Variants in FN1 observed in about 807,000 individuals in gnomAD.
FN1 encodes fibronectin.
In FN1, 106 loss-of-function variants were observed where a neutral mutation model predicts 297.3. The ratio of observed to expected loss-of-function variants is 0.36; its 90% CI spans 0.30 to 0.42. The LOEUF (loss-of-function observed/expected upper bound fraction) is 0.42. Ranked by LOEUF, FN1 falls within the 10% of genes least tolerant of loss-of-function variation. The pLI, the probability that FN1 is intolerant of heterozygous loss-of-function variation, is 1.00. For missense variants in FN1, 2,690 were observed against 3,124.9 expected, an observed-to-expected ratio of 0.86 and a Z score of 3.32; for synonymous variants, 1,149 against 1,152.6, an observed-to-expected ratio of 1.00 and a Z score of 0.06.
intron 5 of FN1, among the ~76,000 whole-genome samples, chr2:215,429,008 G>A (rs2065991193): frequency 6.6e-6 from 1 of 151,816 alleles, no homozygotes; most frequent in African/African-American, 2.4e-5. Flanking sequence ...GGGTGAGACT[G>A]TCTCAAAAAC....
At chr2:215,403,659 A>T (rs1205880865) in intron 20 of FN1, among the ~76,000 whole-genome samples, 1 of 152,220 alleles carries the variant, frequency 6.6e-6, no homozygotes, top group African/African-American at 2.4e-5. Context: ...TGTTATTGTG[A>T]TGTAGATATG....
At chr2:215,435,258 C>A (rs2067257683) in intron 1 of FN1, among the ~76,000 whole-genome samples, 1 of 152,070 alleles carries the variant, frequency 6.6e-6, no homozygotes, top group Admixed American at 6.5e-5. Flanking sequence ...CCTTTCCACC[C>A]CCATGTTGAA....
intron 31 of FN1, among the ~76,000 whole-genome samples, chr2:215,382,640 T>G (rs2058368532): frequency 6.6e-6 from 1 of 152,188 alleles, no homozygotes; most frequent in Admixed American, 6.5e-5. Context: ...CTTAAGATCC[T>G]AATTTCACAA....
At chr2:215,416,287 A>G (rs1264391134) in intron 12 of FN1, among the ~76,000 whole-genome samples, 1 of 152,178 alleles carries the variant, frequency 6.6e-6, no homozygotes, top group Non-Finnish European at 1.5e-5. Context: ...AAGCCACATG[A>G]ACACCAAAAT....
chr2:215,413,001 C>T (rs915910023), intron 13 of FN1, among the ~76,000 whole-genome samples: 2 of 152,096 alleles, frequency 1.3e-5, no homozygotes, highest in African/African-American at 2.4e-5. Context: ...ATCATGACTG[C>T]TGGGTGGATC....
At chr2:215,381,223 A>AAC (rs2058159607) in intron 32 of FN1, 143 bp from the exon 33 acceptor site, 1 of 779,574 alleles carries the variant, frequency 1.3e-6, no homozygotes. Flanking sequence ...AAATCACTTA[A>AAC]ACACTTGCTT....
chr2:215,408,489 C>T, intron 15 of FN1, 63 bp from the exon 16 acceptor site: 1 of 1,508,654 alleles, frequency 6.6e-7, no homozygotes, highest in Non-Finnish European at 9.2e-7. Context: ...GACTCTACAG[C>T]TTATAAGAAG....
At position 215,420,768 on chromosome 2, in the gene FN1, A is replaced by T. The variant is rs369339209; in HGVS notation, c.1580T>A (p.Val527Glu). 14 of 1,613,962 alleles carry T rather than the reference A, an allele frequency of 8.7e-6. No individual in the cohort carries two copies. In the African/African-American group the frequency reaches 1.2e-4, roughly 14 times the overall value. Residue 527 changes from valine (V) to glutamate (E), a missense_variant, in exon 11 of 46, where the codon GTG becomes GAG. Val to Glu is a moderately radical substitution (Grantham distance 121). Coordinates refer to ENST00000354785, the MANE Select transcript of FN1 (RefSeq NM_212482.4). ...ATGACGCTTGTGGAATGTGTCGTTC[A>T]CATTGTAAGTGATGTCATCAACAAT... ...QCIVDDITYNVNDTFHKRHEE... is the reference protein window; with the variant it reads ...QCIVDDITYNENDTFHKRHEE...
rs2058075115 is a variant in FN1 at position 215,380,686 on chromosome 2, G to C, written c.5434+125C>G. The C allele has an allele frequency of 2.6e-6, 3 of 1,173,148 alleles. No homozygotes were observed. The Admixed American group carries it at 5.1e-5, about 20-fold the overall frequency. The allele number at this position is 1,173,148 out of a possible 1,614,324, so 72.7% of individuals were successfully genotyped here. A position where few individuals can be genotyped will look rare whatever the true frequency, so the allele number is the denominator to read the frequency against. ...TTTCTTACCATTCCTCTTTAAAGAG[G>C]ATCTTTCCTAATAATTCTTTTTCAC... On this transcript the variant is annotated intron_variant, in intron 33 of 45. Transcript: ENST00000354785.
Position 215,406,569 on chromosome 2 carries a change from G to A in FN1, c.2714-59C>T, listed in dbSNP as rs889661045. ...CTCTGCTGAAGATTACTTTTAAGAA[G>A]CCAGTTTCTTGGATATGTTAGGCAG... On this transcript the variant is annotated intron_variant, in intron 18 of 45. Transcript: ENST00000354785. 3 of 1,567,758 alleles carry A rather than the reference G, an allele frequency of 1.9e-6. No individual in the cohort carries two copies. The African/African-American group carries it at 4.0e-5, about 21-fold the overall frequency.
In FN1 at chr2:215,376,482, C is replaced by A; in HGVS notation, c.5887+16G>T. 6.2e-7 allele frequency: 1 copy of A among 1,611,784 alleles called. No individual in the cohort carries two copies. The highest frequency in any genetic ancestry group is 8.5e-7 in the Non-Finnish European group (1 of 1,177,842). On this transcript the variant is annotated intron_variant, in intron 36 of 45. Coordinates refer to ENST00000354785, the MANE Select transcript of FN1 (RefSeq NM_212482.4). Reference sequence around the variant, plus strand: ...TATTTGTTAACAAATGTGGTTAGTGCAATGAGTTCCCTGACCTGTGATGGT... The same window carrying A: ...TATTTGTTAACAAATGTGGTTAGTGAAATGAGTTCCCTGACCTGTGATGGT...
At chr2:215,368,922 CTG>C (rs2055244135) in intron 41 of FN1, among the ~76,000 whole-genome samples, 1 of 152,132 alleles carries the variant, frequency 6.6e-6, no homozygotes. Flanking sequence ...TAAAATCCCA[CTG>C]TGTATTTTTC....
At position 215,379,336 on chromosome 2, in the gene FN1, G is replaced by T; in HGVS notation, c.5435-19C>A. The T allele has an allele frequency of 6.2e-7, 1 of 1,609,960 alleles. No individual in the cohort carries two copies. On this transcript the variant is annotated intron_variant, in intron 33 of 45. Coordinates refer to ENST00000354785, the MANE Select transcript of FN1 (RefSeq NM_212482.4). ...GGAATAGCTGTCGAGATTGTCATTG[G>T]TTAGAGGTTATCTTATAGGAAATGG...
At chr2:215,434,554 A>G in intron 2 of FN1, 142 bp downstream of exon 2, 1 of 977,934 alleles carries the variant, frequency 1.0e-6, no homozygotes, top group East Asian at 2.5e-5. Context: ...AAGCAAATAT[A>G]AGCAGTTTTT....
Position 215,410,132 on chromosome 2 carries a change from C to CACAA in FN1, c.1942-19_1942-18insTTGT, listed in dbSNP as rs1559513575. The CACAA allele has an allele frequency of 1.6e-6, 1 of 631,980 alleles. No homozygotes were observed. Among genetic ancestry groups the CACAA allele is most frequent in the Admixed American group, 8.0e-5 (1 of 12,508 alleles). The allele number at this position is 631,980 out of a possible 1,614,324, so 39.1% of individuals were successfully genotyped here. On this transcript the variant is annotated intron_variant, in intron 13 of 45. Transcript: ENST00000354785. ...GAATTTTTCTGAAAATTTAAATTAA[C>CACAA]ACACACACACACACACACACGTGTT...
intron 29 of FN1, 23 bp downstream of exon 29, chr2:215,384,836 TA>T: frequency 7.0e-7 from 1 of 1,436,248 alleles, no homozygotes; most frequent in Non-Finnish European, 9.8e-7. Flanking sequence ...AATCAGAGTG[TA>T]AAATAGCATT....
chr2:215,372,086 G>A lies in FN1; in HGVS notation c.6537C>T (p.His2179=), dbSNP rs190524257. The A allele has an allele frequency of 2.2e-5, 35 of 1,614,096 alleles. No homozygotes were observed. The Admixed American group carries it at 5.8e-4, about 27-fold the overall frequency. ...PNVGEEIQIG[H]IPREDVDYHL... ...GATAGTCTACATCTTCCCTGGGGAT[G>A]TGACCAATTTGGATTTCCTCACCTA... The change falls in exon 40 of 46, where the codon CAC becomes CAT. Residue 2179 remains histidine (H), a synonymous_variant. Transcript: ENST00000354785.
At position 215,361,392 on chromosome 2, in the gene FN1, A is replaced by T; in HGVS notation, c.*163T>A. Reference sequence around the variant, plus strand: ...AAACCCTCAGGAAACTCCCAGGGTGATGCTTGGAGAAGCTGTGAGTTGAGC... The same window carrying T: ...AAACCCTCAGGAAACTCCCAGGGTGTTGCTTGGAGAAGCTGTGAGTTGAGC... On this transcript the variant is annotated 3_prime_UTR_variant, in exon 46 of 46. Transcript: ENST00000354785. 2 of 730,518 alleles carry T rather than the reference A, an allele frequency of 2.7e-6. No individual in the cohort carries two copies. The highest frequency in any genetic ancestry group is 1.9e-5 in the Admixed American group (1 of 52,172). The allele number at this position is 730,518 out of a possible 1,614,324, so 45.3% of individuals were successfully genotyped here.
At chr2:215,396,109 C>CG (rs1329314561) in intron 23 of FN1, among the ~76,000 whole-genome samples, 1 of 152,050 alleles carries the variant, frequency 6.6e-6, no homozygotes, top group Non-Finnish European at 1.5e-5. Context: ...CTCTGTGCCC[C>CG]GGCAAAGATA....
Sources: allele counts gnomAD v4.1 joint callset (sites outside exome capture counted in the v4.1 genomes callset), GRCh38; gene constraint gnomAD v4.1.1; transcripts MANE v1.5; gene names NCBI Gene and HGNC (gene_info 2026-07-23, HGNC 2026-07-21).